DPP10: variants seen among roughly 807,000 people sequenced by gnomAD.
The protein encoded by DPP10 is dipeptidyl peptidase like 10.
DPP10 carries 33 observed loss-of-function variants against 120.9 expected under a neutral mutation model. The ratio of observed to expected loss-of-function variants is 0.27; its 90% CI spans 0.21 to 0.37. The LOEUF (loss-of-function observed/expected upper bound fraction) is 0.37. Ranked by LOEUF, DPP10 falls within the 10% of genes least tolerant of loss-of-function variation. The probability of loss-of-function intolerance (pLI) is 1.00; values close to 1 mark genes in which losing one functional copy is unlikely to be tolerated. For synonymous variants in DPP10, 337 were observed against 326.1 expected (o/e 1.03, Z -0.36); for missense variants, 816 against 942.8 (o/e 0.87, Z 1.76).
chr2:114,631,614 G>T (rs1694932619), intron 1 of DPP10, among the ~76,000 whole-genome samples: 1 of 152,086 alleles, frequency 6.6e-6, no homozygotes, highest in Non-Finnish European at 1.5e-5. Context: ...CCAGTGTCAG[G>T]AAAAAGACTA....
chr2:114,849,377 T>C (rs1688775948), intron 1 of DPP10, among the ~76,000 whole-genome samples: 1 of 152,136 alleles, frequency 6.6e-6, no homozygotes, highest in East Asian at 1.9e-4. Flanking sequence ...TGAAACAAAG[T>C]CTCACTGTGT....
chr2:114,801,614 A>G (rs1574222715), intron 1 of DPP10, among the ~76,000 whole-genome samples: 1 of 152,320 alleles, frequency 6.6e-6, no homozygotes, highest in East Asian at 1.9e-4. Context: ...CAAATAAAGA[A>G]CTGAATATAC....
At chr2:115,820,623 A>G (rs1687714201) in intron 21 of DPP10, among the ~76,000 whole-genome samples, 1 of 152,054 alleles carries the variant, frequency 6.6e-6, no homozygotes, top group South Asian at 2.1e-4. Context: ...CCATTGCATC[A>G]TTCTTGTGCC....
chr2:115,752,276 T>C (rs1263624451), intron 10 of DPP10, among the ~76,000 whole-genome samples: 1 of 152,198 alleles, frequency 6.6e-6, no homozygotes, highest in South Asian at 2.1e-4. Flanking sequence ...TTTAGAGAAG[T>C]TTTTTTAAGT....
At chr2:114,536,409 T>C (rs1686493418) in intron 1 of DPP10, among the ~76,000 whole-genome samples, 1 of 28,054 alleles carries the variant, frequency 3.6e-5, no homozygotes, top group South Asian at 9.4e-4. Flanking sequence ...TTTCTTTTTC[T>C]TTTTTTTTTT....
At chr2:115,416,623 A>G (rs186098491) in intron 3 of DPP10, among the ~76,000 whole-genome samples, 3 of 152,316 alleles carry the variant, frequency 2.0e-5, no homozygotes, top group African/African-American at 7.2e-5. Context: ...AGCTAGGAAA[A>G]TCTTCCTTAG....
chr2:114,990,778 T>A (rs779276829), intron 1 of DPP10, among the ~76,000 whole-genome samples: 1 of 152,158 alleles, frequency 6.6e-6, no homozygotes, highest in Non-Finnish European at 1.5e-5. Context: ...TAGTTTCTAC[T>A]CCTTCTTTAT....
intron 1 of DPP10, among the ~76,000 whole-genome samples, chr2:114,781,560 A>G (rs1682328630): frequency 6.6e-6 from 1 of 151,312 alleles, no homozygotes; most frequent in Admixed American, 6.6e-5. Flanking sequence ...AGAAGTCCAT[A>G]TTGTTTTTCC....
At chr2:114,639,989 A>G (rs968494721) in intron 1 of DPP10, among the ~76,000 whole-genome samples, 1 of 151,914 alleles carries the variant, frequency 6.6e-6, no homozygotes, top group East Asian at 1.9e-4. Context: ...CTGTTTCTAA[A>G]GCAATTATGG....
chr2:115,347,848 T>C (rs1027239741), intron 3 of DPP10, among the ~76,000 whole-genome samples: 3 of 152,200 alleles, frequency 2.0e-5, no homozygotes, highest in African/African-American at 7.2e-5. Flanking sequence ...TTCCATGGTA[T>C]ATATGTGCCA....
chr2:115,170,604 C>CT (rs1229779051), intron 1 of DPP10, among the ~76,000 whole-genome samples: 1 of 152,048 alleles, frequency 6.6e-6, no homozygotes, highest in Non-Finnish European at 1.5e-5. Context: ...CCTGTATGTA[C>CT]TTTTTTAGAG....
At chr2:115,340,949 G>A (rs1019323413) in intron 2 of DPP10, among the ~76,000 whole-genome samples, 1 of 151,910 alleles carries the variant, frequency 6.6e-6, no homozygotes, top group African/African-American at 2.4e-5. Context: ...GAAGGGATCT[G>A]ATTAGACAAA....
intron 16 of DPP10, among the ~76,000 whole-genome samples, 160 bp from the exon 17 acceptor site, chr2:115,782,192 C>T (rs1307747949): frequency 6.6e-6 from 1 of 151,938 alleles, no homozygotes; most frequent in East Asian, 1.9e-4. Flanking sequence ...GAATAAAACG[C>T]TTATAAATAG....
At chr2:115,801,674 G>T (rs962273656) in intron 19 of DPP10, among the ~76,000 whole-genome samples, 1 of 152,072 alleles carries the variant, frequency 6.6e-6, no homozygotes, top group Non-Finnish European at 1.5e-5. Context: ...GGCCTTCTCT[G>T]CATCTATTGA....
At chr2:115,506,518 G>T (rs1375153) in intron 4 of DPP10, among the ~76,000 whole-genome samples, 32,252 of 151,854 alleles carry the variant, frequency 0.21, 3,931 homozygotes, top group East Asian at 0.39. Context: ...TACTAGCTGA[G>T]AATTCCATTC....
intron 5 of DPP10, among the ~76,000 whole-genome samples, chr2:115,609,104 A>G (rs774067481): frequency 3.3e-5 from 5 of 152,178 alleles, no homozygotes; most frequent in Non-Finnish European, 5.9e-5. Flanking sequence ...AACTATTCCA[A>G]AGAAGAAACA....
At chr2:115,519,173 C>T (rs1172886849) in intron 4 of DPP10, among the ~76,000 whole-genome samples, 1 of 152,026 alleles carries the variant, frequency 6.6e-6, no homozygotes, top group Non-Finnish European at 1.5e-5. Context: ...TCATTAATTT[C>T]CACTTTCTGC....
At chr2:114,569,027 A>G (rs1284444858) in intron 1 of DPP10, among the ~76,000 whole-genome samples, 1 of 152,192 alleles carries the variant, frequency 6.6e-6, no homozygotes, top group Non-Finnish European at 1.5e-5. Flanking sequence ...ATTTTTGACT[A>G]AATTGCTTTT....
chr2:115,309,147 C>T, intron 1 of DPP10, 92 bp from the exon 2 acceptor site: 2 of 936,618 alleles, frequency 2.1e-6, no homozygotes. Context: ...AGCTTTCAAA[C>T]TGTGATTGTG....
Sources: gnomAD v4.1 joint callset for allele counts (sites outside exome capture counted in the v4.1 genomes callset) on GRCh38, gnomAD v4.1.1 for gene constraint, MANE v1.5 for transcripts, NCBI Gene and HGNC (gene_info 2026-07-23, HGNC 2026-07-21) for gene names.